Variants in ARHGEF10L observed in about 807,000 individuals in gnomAD.
ARHGEF10L encodes Rho guanine nucleotide exchange factor 10 like, also known as rho guanine nucleotide exchange factor 10-like protein.
A neutral mutation model predicts 141.2 loss-of-function variants in ARHGEF10L; 69 were observed. That is an observed-to-expected ratio of 0.49 (90% CI 0.40 to 0.60). The LOEUF is 0.60. ARHGEF10L is among the 20% of genes least tolerant of loss of function. ARHGEF10L has a pLI of 0.00. For synonymous variants in ARHGEF10L, 711 were observed against 718.5 expected, an observed-to-expected ratio of 0.99 and a Z score of 0.17; for missense variants, 1,482 against 1,734.3, an observed-to-expected ratio of 0.85 and a Z score of 2.58.
At chr1:17,547,993 C>T (rs555556895) in intron 1 of ARHGEF10L, among the ~76,000 whole-genome samples, 4 of 152,142 alleles carry the variant, frequency 2.6e-5, no homozygotes, top group Non-Finnish European at 1.5e-5. Flanking sequence ...GGGCAACTCA[C>T]TTGACCCTTC....
upstream of ARHGEF10L, among the ~76,000 whole-genome samples, chr1:17,537,691 C>T (rs901185807): frequency 2.2e-4 from 34 of 151,862 alleles, no homozygotes; most frequent in Admixed American, 6.6e-4. Flanking sequence ...GAGCTGGAGG[C>T]GTCAGACATT....
intron 21 of ARHGEF10L, among the ~76,000 whole-genome samples, chr1:17,643,960 G>A (rs2061455703): frequency 1.3e-5 from 2 of 152,270 alleles, no homozygotes; most frequent in Non-Finnish European, 1.5e-5. Context: ...AGAAGGAAGA[G>A]GTGAGGTAGG....
At chr1:17,598,018 AC>A (rs1319141647) in intron 4 of ARHGEF10L, among the ~76,000 whole-genome samples, 1 of 152,044 alleles carries the variant, frequency 6.6e-6, no homozygotes, top group Non-Finnish European at 1.5e-5. Context: ...GCTGGGTGTT[AC>A]GCTTTCTCTT....
chr1:17,638,516 G>A, intron 19 of ARHGEF10L, 46 bp from the exon 20 acceptor site: 2 of 1,610,840 alleles, frequency 1.2e-6, no homozygotes, highest in African/African-American at 2.7e-5. Flanking sequence ...GGCTTTTGGG[G>A]AGCCAGTGTG....
At chr1:17,682,298 C>T (rs1257833278) in intron 26 of ARHGEF10L, among the ~76,000 whole-genome samples, 2 of 152,174 alleles carry the variant, frequency 1.3e-5, no homozygotes, top group African/African-American at 4.8e-5. Context: ...CTACCCTCGT[C>T]TCTCCCATTC....
intron 22 of ARHGEF10L, among the ~76,000 whole-genome samples, chr1:17,651,842 A>C (rs915894237): frequency 1.3e-5 from 2 of 152,130 alleles, no homozygotes; most frequent in African/African-American, 4.8e-5. Flanking sequence ...GCCTGGCTGC[A>C]CTAGCTAGGC....
At chr1:17,671,198 G>A (rs1017560284) in intron 26 of ARHGEF10L, among the ~76,000 whole-genome samples, 12 of 152,250 alleles carry the variant, frequency 7.9e-5, no homozygotes, top group African/African-American at 2.7e-4. Flanking sequence ...TGTGCAGGGC[G>A]GTCGCAGGGC....
chr1:17,655,956 G>A lies in ARHGEF10L; in HGVS notation c.2559G>A (p.Lys853=), dbSNP rs2062217974. The A allele has an allele frequency of 6.4e-7, 1 of 1,562,520 alleles. No individual in the cohort carries two copies. The highest frequency in any genetic ancestry group is 8.7e-7 in the Non-Finnish European group (1 of 1,152,676). Residue 853 remains lysine (K), a synonymous_variant, in exon 24 of 29, where the codon AAG becomes AAA. Transcript: ENST00000361221. ...ACCGGCCCTCGCCCCGCACCGTCAA[G>A]TCCTTCCCACTGGCAGCCCCTGTGC... The part of the protein sequence containing the change: ...SLNRPSPRTV[K]SFPLAAPVLC...
At chr1:17,650,265 A>T (rs2061839765) in intron 22 of ARHGEF10L, among the ~76,000 whole-genome samples, 1 of 151,560 alleles carries the variant, frequency 6.6e-6, no homozygotes, top group Admixed American at 6.6e-5. Flanking sequence ...AAATAAAAAA[A>T]AATTAGCCAG....
At chr1:17,650,343 G>A (rs2061844214) in intron 22 of ARHGEF10L, among the ~76,000 whole-genome samples, 1 of 152,158 alleles carries the variant, frequency 6.6e-6, no homozygotes, top group African/African-American at 2.4e-5. Context: ...GAGCCCAGGA[G>A]GTTGAGGCTG....
intron 1 of ARHGEF10L, among the ~76,000 whole-genome samples, chr1:17,561,167 G>A (rs1015319132): frequency 2.6e-5 from 4 of 152,204 alleles, no homozygotes; most frequent in Non-Finnish European, 5.9e-5. Context: ...TGCTCAGTAA[G>A]GTGGTTTCCC....
At chr1:17,592,257 T>C (rs180902510) in intron 4 of ARHGEF10L, among the ~76,000 whole-genome samples, 4 of 152,292 alleles carry the variant, frequency 2.6e-5, no homozygotes, top group African/African-American at 4.8e-5. Context: ...CTGGAGTTGT[T>C]TGCTTTTCCT....
At chr1:17,693,077 T>A (rs758920241) in intron 27 of ARHGEF10L, among the ~76,000 whole-genome samples, 8 of 152,204 alleles carry the variant, frequency 5.3e-5, no homozygotes, top group Non-Finnish European at 1.2e-4. Flanking sequence ...GGTGTTTACA[T>A]CCCTTGTTTC....
At chr1:17,671,172 C>G (rs1433541143) in intron 26 of ARHGEF10L, among the ~76,000 whole-genome samples, 1 of 152,236 alleles carries the variant, frequency 6.6e-6, no homozygotes, top group African/African-American at 2.4e-5. Context: ...CCTTCCTCCG[C>G]CACGGCGGAG....
upstream of ARHGEF10L, among the ~76,000 whole-genome samples, chr1:17,538,892 G>A (rs555750576): frequency 6.6e-6 from 1 of 152,216 alleles, no homozygotes; most frequent in South Asian, 2.1e-4. Flanking sequence ...TAACAACAAC[G>A]CGGATAATCT....
chr1:17,552,492 G>A (rs1018541902), intron 1 of ARHGEF10L, among the ~76,000 whole-genome samples: 2 of 150,748 alleles, frequency 1.3e-5, no homozygotes, highest in Non-Finnish European at 1.5e-5. Flanking sequence ...TCTGCTTCCC[G>A]GGTTCAAGTG....
chr1:17,655,934 G>C lies in ARHGEF10L; in HGVS notation c.2537G>C (p.Arg846Pro), dbSNP rs1423222203. ...CAGGTGGAAATCTTTTCCTTGAACCGGCCCTCGCCCCGCACCGTCAAGTCC... is the reference window on the plus strand; with the variant it reads ...CAGGTGGAAATCTTTTCCTTGAACCCGCCCTCGCCCCGCACCGTCAAGTCC... The part of the protein sequence containing the change: ...GGQVEIFSLN[R>P]PSPRTVKSFP... The change falls in exon 24 of 29, where the codon CGG (arginine) becomes CCG (proline). Residue 846 changes from arginine to proline, a missense_variant. Around this residue, in one of 3 missense-constraint regions of ARHGEF10L, gnomAD observed 858 missense variants for 966.3 expected, o/e 0.89. Coordinates refer to ENST00000361221, the MANE Select transcript of ARHGEF10L (RefSeq NM_018125.4). The C allele has an allele frequency of 2.6e-6, 4 of 1,558,650 alleles. No homozygotes were observed. Among genetic ancestry groups the C allele is most frequent in the Non-Finnish European group, 3.5e-6 (4 of 1,151,068 alleles).
intron 27 of ARHGEF10L, 26 bp downstream of exon 27, chr1:17,687,773 G>C: frequency 6.4e-7 from 1 of 1,554,540 alleles, no homozygotes; most frequent in African/African-American, 1.4e-5. Context: ...GCACGGGGGA[G>C]CGGACAGTCA....
chr1:17,626,029 A>G lies in ARHGEF10L; in HGVS notation c.1391A>G (p.Gln464Arg). Reference protein sequence around the residue: ...LMVKPIQRFPQFILLLQDMLK... With the variant: ...LMVKPIQRFPRFILLLQDMLK... ...GTCAAGCCCATCCAGAGGTTCCCAC[A>G]GTTCATACTCCTGCTTCAGGTACTG... The change falls in exon 14 of 29, where the codon CAG becomes CGG. Residue 464 changes from glutamine to arginine, a missense_variant. Around this residue, in one of 3 missense-constraint regions of ARHGEF10L, gnomAD observed 392 missense variants for 542.1 expected, o/e 0.72. Coordinates refer to ENST00000361221, the MANE Select transcript of ARHGEF10L (RefSeq NM_018125.4). 1.2e-6 allele frequency: 2 copies of G among 1,613,922 alleles called. No homozygotes were observed. Among genetic ancestry groups the G allele is most frequent in the Non-Finnish European group, 1.7e-6 (2 of 1,179,862 alleles).
Sources: allele counts gnomAD v4.1 joint callset (sites outside exome capture counted in the v4.1 genomes callset), GRCh38; gene constraint gnomAD v4.1.1; regional missense constraint gnomAD v4.1.1; transcripts MANE v1.5; gene names NCBI Gene and HGNC (gene_info 2026-07-23, HGNC 2026-07-21).